FARP2: variants seen among roughly 807,000 people sequenced by gnomAD.
The protein encoded by FARP2 is FERM, ARH/RhoGEF and pleckstrin domain protein 2.
A neutral mutation model predicts 130.5 loss-of-function variants in FARP2; 111 were observed. That is an observed-to-expected ratio of 0.85 (90% CI 0.73 to 1.00). The LOEUF is 1.00. Ranked by LOEUF, FARP2 falls within the 50% of genes least tolerant of loss-of-function variation. The pLI is 0.00. For missense variants in FARP2, 1,385 were observed against 1,346.3 expected, an observed-to-expected ratio of 1.03 and a Z score of -0.45; for synonymous variants, 504 against 516.9, an observed-to-expected ratio of 0.98 and a Z score of 0.34.
chr2:241,481,598 C>T (rs1021322211), intron 19 of FARP2, among the ~76,000 whole-genome samples: 11 of 152,226 alleles, frequency 7.2e-5, no homozygotes, highest in Admixed American at 7.2e-4. Flanking sequence ...CTCTCCTTGG[C>T]TGCATAGCTT....
intron 2 of FARP2, among the ~76,000 whole-genome samples, chr2:241,383,357 C>T (rs1445410374): frequency 6.6e-6 from 1 of 152,266 alleles, no homozygotes; most frequent in Non-Finnish European, 1.5e-5. Flanking sequence ...ACATCCCACA[C>T]TCCCACAGCC....
At chr2:241,427,533 A>G (rs1353057172) in intron 8 of FARP2, among the ~76,000 whole-genome samples, 2 of 152,262 alleles carry the variant, frequency 1.3e-5, no homozygotes, top group East Asian at 1.9e-4. Context: ...TGTAGGTTAT[A>G]TGCAAATACT....
chr2:241,407,950 A>C (rs563511680), intron 5 of FARP2, among the ~76,000 whole-genome samples: 4 of 152,360 alleles, frequency 2.6e-5, no homozygotes, highest in African/African-American at 9.6e-5. Context: ...CTTATTTATC[A>C]ATAAAATATA....
chr2:241,460,678 C>T (rs2063988892), intron 14 of FARP2, among the ~76,000 whole-genome samples: 1 of 144,868 alleles, frequency 6.9e-6, no homozygotes, highest in African/African-American at 2.5e-5. Context: ...TATCATGAAG[C>T]TCAAAAAGAA....
intron 21 of FARP2, among the ~76,000 whole-genome samples, chr2:241,487,680 AG>A (rs1214918344): frequency 9.1e-6 from 1 of 109,686 alleles, no homozygotes; most frequent in African/African-American, 3.0e-5. Context: ...AAAAAAAAAA[AG>A]AAAGAAAAGA....
chr2:241,440,837 G>T (rs996818302), intron 12 of FARP2, among the ~76,000 whole-genome samples: 9 of 152,012 alleles, frequency 5.9e-5, no homozygotes, highest in African/African-American at 2.2e-4. Flanking sequence ...TGGACCACGT[G>T]TCATTAGGTT....
intron 12 of FARP2, among the ~76,000 whole-genome samples, chr2:241,439,361 G>A (rs1177287309): frequency 4.0e-5 from 6 of 151,274 alleles, no homozygotes; most frequent in African/African-American, 9.7e-5. Context: ...ACAGAGTCTC[G>A]CTCTGTTGCC....
In FARP2 at chr2:241,411,150, C is replaced by A; in HGVS notation, c.508+20C>A. ...TGCAGTGTGAGTATCTCCCCGCCAG[C>A]GGGGAGCATTCACTGACCATGGCAC... On this transcript the variant is annotated intron_variant, in intron 6 of 26. Coordinates refer to ENST00000264042, the MANE Select transcript of FARP2 (RefSeq NM_014808.4). 1 of 1,552,592 alleles carries A rather than the reference C, an allele frequency of 6.4e-7. No homozygotes were observed. The highest frequency in any genetic ancestry group is 8.9e-7 in the Non-Finnish European group (1 of 1,128,380).
intron 2 of FARP2, among the ~76,000 whole-genome samples, chr2:241,381,493 C>G (rs1259281460): frequency 6.6e-6 from 1 of 152,122 alleles, no homozygotes; most frequent in African/African-American, 2.4e-5. Context: ...CATTTCTCCC[C>G]TTCTGTTCAT....
intron 2 of FARP2, among the ~76,000 whole-genome samples, chr2:241,400,142 G>A (rs545554053): frequency 3.9e-5 from 6 of 152,326 alleles, no homozygotes; most frequent in Non-Finnish European, 8.8e-5. Flanking sequence ...CACTCTGGCT[G>A]CACTACTCTA....
At chr2:241,442,370 CAG>C in intron 13 of FARP2, 1 of 456,692 alleles carries the variant, frequency 2.2e-6, no homozygotes, top group South Asian at 1.5e-5. Flanking sequence ...TCCAGCAGCA[CAG>C]AGTCAGACTC....
chr2:241,457,897 CA>C (rs1453292825), intron 14 of FARP2, among the ~76,000 whole-genome samples: 1 of 152,116 alleles, frequency 6.6e-6, no homozygotes, highest in African/African-American at 2.4e-5. Flanking sequence ...GCTGTTGTGG[CA>C]CGGGGAGGGG....
intron 1 of FARP2, among the ~76,000 whole-genome samples, chr2:241,356,734 G>A (rs1419020033): frequency 6.6e-6 from 1 of 151,974 alleles, no homozygotes; most frequent in African/African-American, 2.4e-5. Flanking sequence ...CGCGGGTTGA[G>A]TTGTGCCCCG....
chr2:241,357,015 C>G lies in FARP2; in HGVS notation c.-25+627C>G, dbSNP rs545149439. Among the ~76,000 whole-genome samples, 10 of 152,296 alleles carry G rather than the reference C, an allele frequency of 6.6e-5. No individual in the cohort carries two copies. In the East Asian group the frequency reaches 1.9e-3, roughly 29 times the overall value. ...TGAAAACTGGGGACCAGAATATGGC[C>G]CAGTACATTACACACCCGAATTACG... On this transcript the variant is annotated intron_variant, in intron 1 of 26. Coordinates refer to ENST00000264042, the MANE Select transcript of FARP2 (RefSeq NM_014808.4).
At chr2:241,478,817 G>T in intron 19 of FARP2, 1 of 392,520 alleles carries the variant, frequency 2.5e-6, no homozygotes, top group South Asian at 2.1e-5. Context: ...CACCATGTCC[G>T]ACAGCTGGAA....
intron 2 of FARP2, among the ~76,000 whole-genome samples, chr2:241,403,543 C>G (rs113236413): frequency 0.016 from 2,476 of 152,124 alleles, 45 homozygotes; most frequent in African/African-American, 0.043. Flanking sequence ...AAAATATTTA[C>G]CAAAACTAGA....
At position 241,432,360 on chromosome 2, in the gene FARP2, G is replaced by C. The variant is rs1290816068; in HGVS notation, c.867+586G>C. The C allele has an allele frequency of 3.3e-5, 5 of 152,332 alleles. No individual in the cohort carries two copies. In the East Asian group the frequency reaches 9.6e-4, roughly 29 times the overall value. The allele number at this position is 152,332 out of a possible 1,614,324, so 9.4% of individuals were successfully genotyped here. A position where few individuals can be genotyped will look rare whatever the true frequency, so the allele number is the denominator to read the frequency against. ...TCAAAACCCCAGGGTTTCAGCTTCA[G>C]CGGGTCTGGGATGAACCCAAGAAGG... On this transcript the variant is annotated intron_variant, in intron 9 of 26. Transcript: ENST00000264042.
chr2:241,435,981 C>T (rs1450650991), intron 11 of FARP2, among the ~76,000 whole-genome samples: 13 of 129,612 alleles, frequency 1.0e-4, no homozygotes, highest in Non-Finnish European at 1.6e-4. Flanking sequence ...AGTGTGATCT[C>T]GGCTCACTGC....
chr2:241,467,106 T>A (rs937313136), intron 17 of FARP2, among the ~76,000 whole-genome samples: 2 of 150,974 alleles, frequency 1.3e-5, no homozygotes, highest in East Asian at 4.0e-4. Flanking sequence ...AATACAAAAA[T>A]TAGCTGGGTG....
Sources: allele counts gnomAD v4.1 joint callset (sites outside exome capture counted in the v4.1 genomes callset), GRCh38; gene constraint gnomAD v4.1.1; transcripts MANE v1.5; gene names NCBI Gene and HGNC (gene_info 2026-07-23, HGNC 2026-07-21).